GALNT5: variants seen among roughly 807,000 people sequenced by gnomAD.
GALNT5 encodes the protein polypeptide N-acetylgalactosaminyltransferase 5, also known as UDP-GalNAc:polypeptide N-acetylgalactosaminyltransferase 5.
GALNT5 carries 72 observed loss-of-function variants against 85.4 expected under a neutral mutation model. That is an observed-to-expected ratio of 0.84 (90% CI 0.70 to 1.03). GALNT5 has a LOEUF of 1.03. Among genes scored for constraint, GALNT5 ranks in the 50% least tolerant of loss-of-function variants. The pLI, the probability that GALNT5 is intolerant of heterozygous loss-of-function variation, is 0.00. For missense variants in GALNT5, 1,137 were observed against 1,135.5 expected, an observed-to-expected ratio of 1.00 and a Z score of -0.02; for synonymous variants, 404 against 397.0, an observed-to-expected ratio of 1.02 and a Z score of -0.21.
At chr2:157,286,991 G>T (rs974191994) in intron 3 of GALNT5, among the ~76,000 whole-genome samples, 27 of 147,412 alleles carry the variant, frequency 1.8e-4, no homozygotes, top group Non-Finnish European at 3.0e-4. Flanking sequence ...TGAAATTTTT[G>T]ATTTCCTCTT....
In GALNT5 at chr2:157,311,314, A is replaced by G. The variant is rs752864174; in HGVS notation, c.2789A>G (p.Gln930Arg). The change falls in exon 10 of 10, where the codon CAA (glutamine) becomes CGA (arginine). Residue 930 changes from glutamine (Q) to arginine (R), a missense_variant. Transcript: ENST00000259056. ...VAACDPVKPY[Q>R]KWKFEKYYEA ...GCCTGTGACCCAGTGAAGCCATATC[A>G]AAAGTGGAAATTTGAAAAATATTAT... 2 of 1,609,738 alleles carry G rather than the reference A, an allele frequency of 1.2e-6. No homozygotes were observed. The highest frequency in any genetic ancestry group is 1.7e-6 in the Non-Finnish European group (2 of 1,178,020).
intron 2 of GALNT5, 129 bp from the exon 3 acceptor site, chr2:157,285,886 C>T: frequency 1.6e-6 from 1 of 621,636 alleles, no homozygotes; most frequent in Non-Finnish European, 2.9e-6. Flanking sequence ...AAAATTATGA[C>T]CCAAGGAATA....
intron 1 of GALNT5, among the ~76,000 whole-genome samples, chr2:157,274,352 G>A (rs1187534614): frequency 1.3e-5 from 2 of 152,170 alleles, no homozygotes; most frequent in Non-Finnish European, 2.9e-5. Context: ...TGGGATCACT[G>A]GTATTTCTAT....
At chr2:157,269,968 T>TC (rs1424143653) in intron 1 of GALNT5, among the ~76,000 whole-genome samples, 1 of 152,162 alleles carries the variant, frequency 6.6e-6, no homozygotes, top group East Asian at 1.9e-4. Flanking sequence ...GATTTTTTTT[T>TC]CAGCACCAAA....
intron 1 of GALNT5, among the ~76,000 whole-genome samples, chr2:157,261,215 T>G (rs1234596886): frequency 6.7e-6 from 1 of 150,012 alleles, no homozygotes; most frequent in African/African-American, 2.5e-5. Flanking sequence ...CTAGGGAGTC[T>G]GGGGAGGAAT....
rs190400295 is a variant in GALNT5, at chr2:157,312,319, G to A, written c.*971G>A. ...TAGCATTCACAGGGATGAAATATGC[G>A]AAAAATGGGTTCTAAAATATTTCAA... is the stretch of plus-strand genomic sequence containing the variant. On this transcript the variant is annotated 3_prime_UTR_variant, in exon 10 of 10. Coordinates refer to ENST00000259056, the MANE Select transcript of GALNT5 (RefSeq NM_014568.3). 22 of 151,954 alleles carry A rather than the reference G, an allele frequency of 1.4e-4. No homozygotes were observed. The highest frequency in any genetic ancestry group is 3.4e-3 in the Middle Eastern group (1 of 294). The allele number at this position is 151,954 out of a possible 1,614,324, so 9.4% of individuals were successfully genotyped here. A position where few individuals can be genotyped will look rare whatever the true frequency, so the allele number is the denominator to read the frequency against.
chr2:157,290,116 T>G, intron 3 of GALNT5, among the ~76,000 whole-genome samples: 1 of 136,926 alleles, frequency 7.3e-6, no homozygotes, highest in East Asian at 2.2e-4. Flanking sequence ...TATATATACA[T>G]ACACAAACAC....
At chr2:157,277,288 T>A (rs117897542) in intron 1 of GALNT5, among the ~76,000 whole-genome samples, 3,737 of 152,320 alleles carry the variant, frequency 0.025, 158 homozygotes, top group East Asian at 0.13. Flanking sequence ...CTAAGAAGAA[T>A]ATATATTGTT....
intron 1 of GALNT5, 72 bp downstream of exon 1, chr2:157,259,608 A>G (rs1385202237): frequency 3.2e-5 from 35 of 1,093,874 alleles, no homozygotes; most frequent in Non-Finnish European, 4.2e-5. Context: ...ATTTATTGCT[A>G]GATAATTCTG....
chr2:157,306,299 T>C (rs1324594030), intron 8 of GALNT5, among the ~76,000 whole-genome samples: 7 of 152,214 alleles, frequency 4.6e-5, no homozygotes, highest in Non-Finnish European at 7.4e-5. Context: ...AAATAATCAT[T>C]CTAAGGAAGC....
At chr2:157,298,782 G>A (rs568850052) in intron 5 of GALNT5, 7 of 152,412 alleles carry the variant, frequency 4.6e-5, no homozygotes, top group African/African-American at 1.7e-4. Context: ...GCAGTACAGT[G>A]GAGTGAGTGG....
At chr2:157,302,738 A>G (rs998511893) in intron 7 of GALNT5, 2 of 152,190 alleles carry the variant, frequency 1.3e-5, no homozygotes, top group African/African-American at 4.8e-5. Flanking sequence ...AGTTCCTATG[A>G]AATTTCTGGA....
intron 9 of GALNT5, among the ~76,000 whole-genome samples, 194 bp downstream of exon 9, chr2:157,308,922 A>G (rs1185382294): frequency 6.6e-6 from 1 of 152,108 alleles, no homozygotes; most frequent in Non-Finnish European, 1.5e-5. Flanking sequence ...TTATTTTTCA[A>G]AATTTATTTC....
chr2:157,259,661 T>C (rs1682294521), intron 1 of GALNT5, 125 bp downstream of exon 1: 1 of 624,378 alleles, frequency 1.6e-6, no homozygotes, highest in African/African-American at 1.9e-5. Context: ...ACATTAATCA[T>C]TGGATATCAT....
At chr2:157,272,902 T>G (rs1246653056) in intron 1 of GALNT5, among the ~76,000 whole-genome samples, 1 of 152,214 alleles carries the variant, frequency 6.6e-6, no homozygotes, top group Non-Finnish European at 1.5e-5. Context: ...CAAATGGTAG[T>G]TCTGTGTTAA....
At chr2:157,267,341 G>A (rs977538820) in intron 1 of GALNT5, among the ~76,000 whole-genome samples, 24 of 152,144 alleles carry the variant, frequency 1.6e-4, no homozygotes, top group Admixed American at 1.4e-3. Flanking sequence ...GTGGGAAACC[G>A]TTAAATGATT....
chr2:157,276,834 G>C (rs1461092690), intron 1 of GALNT5, among the ~76,000 whole-genome samples: 1 of 152,002 alleles, frequency 6.6e-6, no homozygotes, highest in Non-Finnish European at 1.5e-5. Context: ...GTTCTGCTCT[G>C]ATCTTAGTTA....
In GALNT5 at chr2:157,314,407, G is replaced by T. The variant is rs1452320993; in HGVS notation, c.*3059G>T. Reference sequence around the variant, plus strand: ...TCTCTTGTAAGCTGACACAGTTGTTGTTGGTACAATCTTGTTCTATCACCA... The same window carrying T: ...TCTCTTGTAAGCTGACACAGTTGTTTTTGGTACAATCTTGTTCTATCACCA... On this transcript the variant is annotated 3_prime_UTR_variant, in exon 10 of 10. Coordinates refer to ENST00000259056, the MANE Select transcript of GALNT5 (RefSeq NM_014568.3). 6.6e-6 allele frequency among the ~76,000 whole-genome samples: 1 copy of T among 152,124 alleles called. No individual in the cohort carries two copies. The highest frequency in any genetic ancestry group is 1.5e-5 in the Non-Finnish European group (1 of 68,032).
rs750425808 is a variant in GALNT5 at position 157,315,243 on chromosome 2, G to A, written c.*3895G>A. Reference sequence around the variant, plus strand: ...TATATGTGTCCCATCTCACTGATGGGTACAACTCATCAAATGACTCTCATT... The same window carrying A: ...TATATGTGTCCCATCTCACTGATGGATACAACTCATCAAATGACTCTCATT... On this transcript the variant is annotated 3_prime_UTR_variant, in exon 10 of 10. Transcript: ENST00000259056. Among the ~76,000 whole-genome samples the A allele has an allele frequency of 5.0e-4, 76 of 152,188 alleles. No homozygotes were observed. The highest frequency in any genetic ancestry group is 7.8e-4 in the Non-Finnish European group (53 of 68,012).
Sources: gnomAD v4.1 joint callset for allele counts (sites outside exome capture counted in the v4.1 genomes callset) on GRCh38, gnomAD v4.1.1 for gene constraint, MANE v1.5 for transcripts, NCBI Gene and HGNC (gene_info 2026-07-23, HGNC 2026-07-21) for gene names.